RABEPK: variants seen among roughly 807,000 people sequenced by gnomAD.
The protein encoded by RABEPK is Rab9 effector protein with kelch motifs, also known as 40 kDa Rab9 effector protein.
Under a neutral mutation model 34.1 loss-of-function variants are expected in RABEPK, and 27 were observed. The observed-to-expected ratio is 0.79, with a 90% CI of 0.58 to 1.09. The LOEUF is 1.09. Among genes scored for constraint, RABEPK ranks in the 50% least tolerant of loss-of-function variants. RABEPK has a pLI of 0.00. For missense variants in RABEPK, 449 were observed against 462.6 expected, an observed-to-expected ratio of 0.97 and a Z score of 0.27; for synonymous variants, 172 against 169.2, an observed-to-expected ratio of 1.02 and a Z score of -0.13.
intron 6 of RABEPK, among the ~76,000 whole-genome samples, chr9:125,229,537 T>C (rs1391465070): frequency 6.6e-6 from 1 of 152,224 alleles, no homozygotes. Context: ...GACAGAATAC[T>C]AATAATAAAA....
chr9:125,223,926 C>T (rs1831541590), intron 5 of RABEPK, among the ~76,000 whole-genome samples: 1 of 151,928 alleles, frequency 6.6e-6, no homozygotes, highest in Non-Finnish European at 1.5e-5. Context: ...GTGGCTCATG[C>T]CCGTAATCCT....
rs368043467 is a variant in RABEPK, at chr9:125,209,175, C to T, written c.211+1454C>T. Among the ~76,000 whole-genome samples, 7 of 151,414 alleles carry T rather than the reference C, an allele frequency of 4.6e-5. No individual in the cohort carries two copies. The East Asian group carries it at 7.7e-4, about 17-fold the overall frequency. On this transcript the variant is annotated intron_variant, in intron 3 of 7. Transcript: ENST00000373538. Reference sequence around the variant, plus strand: ...TCCTGGGTTCAAGCAATTCTCCTGCCTCAGCCTCCTAAATAGCTGGGATTA... The same window carrying T: ...TCCTGGGTTCAAGCAATTCTCCTGCTTCAGCCTCCTAAATAGCTGGGATTA...
chr9:125,219,595 A>G (rs1489001987), intron 4 of RABEPK, among the ~76,000 whole-genome samples: 5 of 151,340 alleles, frequency 3.3e-5, no homozygotes, highest in African/African-American at 1.2e-4. Flanking sequence ...TAGAGATGGG[A>G]TTTCACCATG....
intron 6 of RABEPK, among the ~76,000 whole-genome samples, chr9:125,230,097 G>A (rs1195996435): frequency 1.3e-5 from 2 of 152,046 alleles, no homozygotes; most frequent in Non-Finnish European, 2.9e-5. Flanking sequence ...CCGGGTAGCT[G>A]GGACAACAGG....
chr9:125,213,604 T>G, intron 4 of RABEPK, 82 bp downstream of exon 4: 1 of 1,214,778 alleles, frequency 8.2e-7, no homozygotes, highest in Non-Finnish European at 1.1e-6. Flanking sequence ...TAAATCCAAT[T>G]ATAATTCCAG....
chr9:125,202,330 G>A (rs1161044588), intron 1 of RABEPK, among the ~76,000 whole-genome samples: 1 of 151,344 alleles, frequency 6.6e-6, no homozygotes, highest in Non-Finnish European at 1.5e-5. Context: ...TGACCAGCCT[G>A]GCCAGTGTGG....
rs1479255172 is a variant in RABEPK, at chr9:125,229,273, G to T, written c.676+1214G>T. On this transcript the variant is annotated intron_variant, in intron 6 of 7. Transcript: ENST00000373538. Reference sequence around the variant, plus strand: ...CGTCTCCAAAAAAAAAAGAAAAAAAGAAAAAAAAAATCAGCCAGGCTTGGT... The same window carrying T: ...CGTCTCCAAAAAAAAAAGAAAAAAATAAAAAAAAAATCAGCCAGGCTTGGT... Among the ~76,000 whole-genome samples, 3 of 146,754 alleles carry T rather than the reference G, an allele frequency of 2.0e-5. No homozygotes were observed. The East Asian group carries it at 6.1e-4, about 30-fold the overall frequency.
At chr9:125,204,232 G>A (rs1830080627) in intron 2 of RABEPK, among the ~76,000 whole-genome samples, 1 of 151,822 alleles carries the variant, frequency 6.6e-6, no homozygotes, top group Non-Finnish European at 1.5e-5. Context: ...TACTCTGGAG[G>A]CTGAGGCACT....
intron 5 of RABEPK, among the ~76,000 whole-genome samples, 160 bp from the exon 6 acceptor site, chr9:125,227,750 A>T (rs777610192): frequency 5.3e-5 from 8 of 152,078 alleles, no homozygotes; most frequent in Non-Finnish European, 1.0e-4. Flanking sequence ...AAAAGGAGGG[A>T]TGCCTGGATT....
chr9:125,220,906 C>T (rs2131405868), intron 5 of RABEPK: 2 of 580,152 alleles, frequency 3.4e-6, no homozygotes, highest in East Asian at 6.7e-5. Context: ...GTGGCTCACA[C>T]CTGTAATCCC....
chr9:125,206,200 A>T (rs1457663747), intron 2 of RABEPK, among the ~76,000 whole-genome samples: 6 of 152,130 alleles, frequency 3.9e-5, no homozygotes, highest in Admixed American at 6.6e-5. Context: ...CTCAGTCAGC[A>T]TTCAGAATCA....
intron 4 of RABEPK, among the ~76,000 whole-genome samples, chr9:125,219,477 C>G (rs777247502): frequency 6.6e-6 from 1 of 152,026 alleles, no homozygotes; most frequent in Non-Finnish European, 1.5e-5. Flanking sequence ...TCACTGCATC[C>G]TCCGCCTCCT....
At chr9:125,222,713 CAAAAAA>C (rs756826019) in intron 5 of RABEPK, among the ~76,000 whole-genome samples, 3 of 48,376 alleles carry the variant, frequency 6.2e-5, no homozygotes, top group African/African-American at 2.6e-4. Context: ...GACTCTGTAT[CAAAAAA>C]AAAAAAAAAA....
chr9:125,204,774 C>T (rs1441757167), intron 2 of RABEPK, among the ~76,000 whole-genome samples: 2 of 151,102 alleles, frequency 1.3e-5, no homozygotes, highest in Admixed American at 6.6e-5. Context: ...GCTCTTTCTG[C>T]CTGGAGTGCT....
At chr9:125,220,849 C>G (rs1245191008) in intron 5 of RABEPK, 149 bp downstream of exon 5, 4 of 1,068,964 alleles carry the variant, frequency 3.7e-6, no homozygotes, top group Non-Finnish European at 3.8e-6. Context: ...ATATCTTTTT[C>G]CCACAGCAAA....
At chr9:125,201,759 G>A (rs922903087) in intron 1 of RABEPK, among the ~76,000 whole-genome samples, 3 of 151,882 alleles carry the variant, frequency 2.0e-5, no homozygotes, top group East Asian at 2.0e-4. Context: ...GACTACAGGC[G>A]TGGGCCACAA....
chr9:125,211,000 C>T (rs1160784195), intron 3 of RABEPK, among the ~76,000 whole-genome samples: 10 of 149,344 alleles, frequency 6.7e-5, no homozygotes, highest in African/African-American at 1.5e-4. Context: ...TTTGGGAGGC[C>T]GAGGTGGGCG....
intron 3 of RABEPK, among the ~76,000 whole-genome samples, chr9:125,209,194 G>A (rs924528802): frequency 6.6e-6 from 1 of 151,290 alleles, no homozygotes; most frequent in African/African-American, 2.4e-5. Context: ...CTAAATAGCT[G>A]GGATTACAGG....
intron 5 of RABEPK, among the ~76,000 whole-genome samples, chr9:125,224,288 A>T (rs571839233): frequency 6.6e-6 from 1 of 152,098 alleles, no homozygotes; most frequent in South Asian, 2.1e-4. Context: ...TTAATTTTCC[A>T]GAATTCTATA....
Sources: gnomAD v4.1 joint callset for allele counts (sites outside exome capture counted in the v4.1 genomes callset) on GRCh38, gnomAD v4.1.1 for gene constraint, MANE v1.5 for transcripts, NCBI Gene and HGNC (gene_info 2026-07-23, HGNC 2026-07-21) for gene names.